The following USP30 variants were observed in gnomAD, a reference collection of about 807,000 sequenced individuals.
USP30 encodes ubiquitin specific peptidase 30.
Under a neutral mutation model 68.2 loss-of-function variants are expected in USP30, and 41 were observed. The ratio of observed to expected loss-of-function variants is 0.60; its 90% CI spans 0.47 to 0.78. USP30 has a LOEUF of 0.78. Ranked by LOEUF, USP30 falls within the 30% of genes least tolerant of loss-of-function variation. The probability of loss-of-function intolerance (pLI) is 0.00; values close to 1 mark genes in which losing one functional copy is unlikely to be tolerated. For missense variants in USP30, 522 were observed against 649.4 expected, an observed-to-expected ratio of 0.80 and a Z score of 2.13; for synonymous variants, 229 against 253.7, an observed-to-expected ratio of 0.90 and a Z score of 0.93.
chr12:109,033,533 T>C (rs1485788539), intron 3 of USP30, among the ~76,000 whole-genome samples: 3 of 152,210 alleles, frequency 2.0e-5, no homozygotes, highest in African/African-American at 7.2e-5. Flanking sequence ...CTATGTGCCC[T>C]GAGTACTTTT....
At chr12:109,078,356 C>T (rs1049334108) in intron 7 of USP30, among the ~76,000 whole-genome samples, 18 of 150,542 alleles carry the variant, frequency 1.2e-4, no homozygotes, top group African/African-American at 3.4e-4. Flanking sequence ...CCCAGGAGGC[C>T]GATGTTGTGG....
intron 6 of USP30, 141 bp from the exon 7 acceptor site, chr12:109,073,297 G>T (rs1204334817): frequency 6.3e-6 from 4 of 630,280 alleles, no homozygotes; most frequent in Non-Finnish European, 1.1e-5. Flanking sequence ...GGAAGTCAAT[G>T]AGGAAAGCTA....
intron 3 of USP30, among the ~76,000 whole-genome samples, chr12:109,040,192 G>T (rs113804305): frequency 0.03 from 4,596 of 152,050 alleles, 226 homozygotes; most frequent in African/African-American, 0.1. Context: ...AAAATTTAGG[G>T]TGCTACCAAA....
intron 7 of USP30, among the ~76,000 whole-genome samples, chr12:109,080,491 A>G (rs1428273641): frequency 6.6e-6 from 1 of 152,234 alleles, no homozygotes; most frequent in South Asian, 2.1e-4. Context: ...CACCTCTGCC[A>G]TCACCAAAAG....
upstream of USP30, among the ~76,000 whole-genome samples, chr12:109,048,151 T>C (rs75653395): frequency 4.6e-3 from 690 of 149,542 alleles, 5 homozygotes; most frequent in African/African-American, 0.016. Context: ...AGTGGCACAA[T>C]CATGGCTCAC....
chr12:109,066,891 A>G (rs1593265438), intron 3 of USP30, among the ~76,000 whole-genome samples: 1 of 152,308 alleles, frequency 6.6e-6, no homozygotes, highest in African/African-American at 2.4e-5. Flanking sequence ...GTTGTGAGTT[A>G]AAATCATTTT....
chr12:109,044,532 G>T (rs1049212657), intron 3 of USP30, among the ~76,000 whole-genome samples: 3 of 149,728 alleles, frequency 2.0e-5, no homozygotes, highest in Non-Finnish European at 4.4e-5. Context: ...AGCTACTCGC[G>T]AGGCTAGGGT....
chr12:109,033,390 G>A (rs1007028481), intron 3 of USP30, among the ~76,000 whole-genome samples: 1 of 152,210 alleles, frequency 6.6e-6, no homozygotes, highest in African/African-American at 2.4e-5. Context: ...ATTCTGACTG[G>A]TGAGTGACAG....
At chr12:109,030,438 G>T (rs547767035) in intron 3 of USP30, among the ~76,000 whole-genome samples, 1 of 152,310 alleles carries the variant, frequency 6.6e-6, no homozygotes, top group East Asian at 1.9e-4. Context: ...TTGAAAGAAA[G>T]GGGATATAGG....
chr12:109,063,259 C>T (rs2041137874), intron 3 of USP30, among the ~76,000 whole-genome samples: 1 of 152,204 alleles, frequency 6.6e-6, no homozygotes, highest in South Asian at 2.1e-4. Flanking sequence ...ACCACCACAC[C>T]TGGCTAATTT....
intron 7 of USP30, among the ~76,000 whole-genome samples, chr12:109,076,596 C>A (rs1318768922): frequency 6.6e-6 from 1 of 151,980 alleles, no homozygotes; most frequent in Non-Finnish European, 1.5e-5. Context: ...TGACAAACTT[C>A]CCTTCTGTTC....
intron 1 of USP30, among the ~76,000 whole-genome samples, chr12:109,023,999 G>A (rs1174621244): frequency 6.6e-6 from 1 of 152,032 alleles, no homozygotes; most frequent in Non-Finnish European, 1.5e-5. Flanking sequence ...AAGGGAGTTT[G>A]CAGCCTGGAA....
At chr12:109,084,670 T>C (rs1219728241) in intron 11 of USP30, among the ~76,000 whole-genome samples, 2 of 152,218 alleles carry the variant, frequency 1.3e-5, no homozygotes, top group African/African-American at 4.8e-5. Flanking sequence ...CTGATTAACT[T>C]TGATACATGG....
Position 109,082,863 on chromosome 12 carries a change from C to T in USP30, c.969C>T (p.Ile323=), listed in dbSNP as rs752720022. The part of the protein sequence containing the change: ...KLGKLPQCLC[I]HLQRLSWSSH... ...CGCAGCTCCCTCAGTGTCTCTGCAT[C>T]CACCTACAGCGGCTGAGCTGGTCCA... The change falls in exon 11 of 13, where the codon ATC becomes ATT. Residue 323 remains isoleucine, a synonymous_variant. Transcript: ENST00000257548. 4 of 1,614,008 alleles carry T rather than the reference C, an allele frequency of 2.5e-6. No individual in the cohort carries two copies. The highest frequency in any genetic ancestry group is 2.2e-5 in the South Asian group (2 of 91,062).
Position 109,067,625 on chromosome 12 carries a change from C to T in USP30, c.478C>T (p.Gln160Ter). The T allele has an allele frequency of 1.9e-6, 3 of 1,613,432 alleles. No individual in the cohort carries two copies. The highest frequency in any genetic ancestry group is 2.5e-6 in the Non-Finnish European group (3 of 1,179,448). Residue 160 changes from glutamine to a stop codon, truncating the protein, a stop_gained and splice_region_variant, in exon 4 of 13, where the codon CAG becomes TAG. Transcript: ENST00000257548. LOFTEE classifies it high-confidence loss of function. Reference sequence around the variant, plus strand: ...ATGGCAGATCTCATCATTTGAAGAACAGGTGAGTACAACATTTGAACAGGT... The same window carrying T: ...ATGGCAGATCTCATCATTTGAAGAATAGGTGAGTACAACATTTGAACAGGT... ...YRWQISSFEEQDAHELFHVIT... is the reference protein window; with the variant it reads ...YRWQISSFEE
At chr12:109,052,510 G>A (rs1005427209), upstream of USP30, 2 of 503,726 alleles carry the variant, frequency 4.0e-6, no homozygotes, top group African/African-American at 2.0e-5. Context: ...TGCTCTCCGG[G>A]GGCAGCTACT....
upstream of USP30, among the ~76,000 whole-genome samples, chr12:109,048,451 G>T (rs1251990001): frequency 6.6e-6 from 1 of 151,848 alleles, no homozygotes; most frequent in African/African-American, 2.4e-5. Context: ...GTTGAAGGGG[G>T]GTGGAGGGGG....
Position 109,084,948 on chromosome 12 carries a change from T to TGCAGTTCTGAATCAGCCAGGG in USP30, c.1169-2_1187dup. On this transcript the variant is annotated splice_polypyrimidine_tract_variant and splice_region_variant and intron_variant, in intron 11 of 12. Coordinates refer to ENST00000257548, the MANE Select transcript of USP30 (RefSeq NM_032663.5). ...TTCATTGACTCGGGCCTTTTTCTCT[T>TGCAGTTCTGAATCAGCCAGGG]GCAGTTCTGAATCAGCCAGGGGCCC... 1 of 1,575,924 alleles carries TGCAGTTCTGAATCAGCCAGGG rather than the reference T, an allele frequency of 6.3e-7. No individual in the cohort carries two copies. Among genetic ancestry groups the TGCAGTTCTGAATCAGCCAGGG allele is most frequent in the East Asian group, 2.3e-5 (1 of 43,786 alleles).
chr12:109,082,787 C>T, intron 10 of USP30, 44 bp downstream of exon 10: 1 of 1,610,236 alleles, frequency 6.2e-7, no homozygotes, highest in Admixed American at 1.7e-5. Flanking sequence ...TTTGAGGACT[C>T]CGTGTATCCT....
Sources: gnomAD v4.1 joint callset for allele counts (sites outside exome capture counted in the v4.1 genomes callset) on GRCh38, gnomAD v4.1.1 for gene constraint, MANE v1.5 for transcripts, NCBI Gene and HGNC (gene_info 2026-07-23, HGNC 2026-07-21) for gene names.